RBMS1: variants seen among roughly 807,000 people sequenced by gnomAD.
The protein encoded by RBMS1 is RNA-binding motif, single-stranded-interacting protein 1.
RBMS1 carries 17 observed loss-of-function variants against 62.3 expected under a neutral mutation model. The observed-to-expected ratio is 0.27, with a 90% confidence interval of 0.19 to 0.41. The LOEUF is 0.41. Among genes scored for constraint, RBMS1 ranks in the 10% least tolerant of loss-of-function variants. RBMS1 has a pLI of 1.00. For missense variants in RBMS1, 334 were observed against 504.5 expected (o/e 0.66, Z 3.24); for synonymous variants, 172 against 170.0 (o/e 1.01, Z -0.09).
intron 1 of RBMS1, among the ~76,000 whole-genome samples, chr2:160,448,583 C>T (rs528820495): frequency 1.8e-4 from 28 of 152,246 alleles, no homozygotes; most frequent in African/African-American, 6.5e-4. Flanking sequence ...GACAGAGTCT[C>T]GCTCACTCAG....
intron 2 of RBMS1, among the ~76,000 whole-genome samples, chr2:160,336,169 C>T (rs1691556966): frequency 6.6e-6 from 1 of 152,168 alleles, no homozygotes; most frequent in South Asian, 2.1e-4. Context: ...ACTAGGCATA[C>T]ACATCTGGTA....
intron 1 of RBMS1, among the ~76,000 whole-genome samples, chr2:160,383,451 A>AT (rs35868893): frequency 0.62 from 80,821 of 129,650 alleles, 24,208 homozygotes; most frequent in East Asian, 0.71. Flanking sequence ...TTAGACATGA[A>AT]TTGGGGGGGG....
At position 160,359,622 on chromosome 2, in the gene RBMS1, G is replaced by A. The variant is rs533339156; in HGVS notation, c.251+7594C>T. 1.1e-4 allele frequency among the ~76,000 whole-genome samples: 16 copies of A among 152,218 alleles called. No individual in the cohort carries two copies. In the South Asian group the frequency reaches 3.3e-3, roughly 32 times the overall value. Reference sequence around the variant, plus strand: ...ATTTACATAGAGATTTCAAAACACTGGGTCTGTTGGGCCCATTGCTCCTTT... The same window carrying A: ...ATTTACATAGAGATTTCAAAACACTAGGTCTGTTGGGCCCATTGCTCCTTT... On this transcript the variant is annotated intron_variant, in intron 2 of 13. Transcript: ENST00000348849.
chr2:160,435,787 A>G (rs909252535), intron 1 of RBMS1, among the ~76,000 whole-genome samples: 1 of 152,228 alleles, frequency 6.6e-6, no homozygotes, highest in African/African-American at 2.4e-5. Flanking sequence ...GACTGTATTA[A>G]TCTTCTTTGC....
chr2:160,465,863 C>CAT (rs949548730), intron 1 of RBMS1, among the ~76,000 whole-genome samples: 3 of 108,382 alleles, frequency 2.8e-5, no homozygotes, highest in Admixed American at 1.9e-4. Context: ...CACACACACA[C>CAT]ATACACACAC....
chr2:160,311,228 CTATCTATATATA>C (rs1243996674), intron 4 of RBMS1, among the ~76,000 whole-genome samples: 7 of 95,944 alleles, frequency 7.3e-5, no homozygotes, highest in African/African-American at 1.8e-4. Flanking sequence ...ATCTATCTAT[CTATCTATATATA>C]TATATATATA....
intron 1 of RBMS1, among the ~76,000 whole-genome samples, chr2:160,376,951 A>G (rs1466429743): frequency 6.6e-6 from 1 of 152,162 alleles, no homozygotes; most frequent in Admixed American, 6.5e-5. Flanking sequence ...TACAGGCATG[A>G]GCCACTGGGC....
chr2:160,465,079 C>T (rs1684629293), intron 1 of RBMS1, among the ~76,000 whole-genome samples: 1 of 152,204 alleles, frequency 6.6e-6, no homozygotes, highest in African/African-American at 2.4e-5. Context: ...AGTGAGTTAT[C>T]ATCAAATAAT....
intron 2 of RBMS1, among the ~76,000 whole-genome samples, chr2:160,327,447 T>G (rs1248467658): frequency 1.3e-5 from 2 of 152,194 alleles, no homozygotes; most frequent in Non-Finnish European, 2.9e-5. Flanking sequence ...TGCCATAGAC[T>G]ATGAAAAATG....
chr2:160,282,342 A>C (rs1688143667), intron 9 of RBMS1: 2 of 1,363,674 alleles, frequency 1.5e-6, no homozygotes, highest in South Asian at 2.3e-5. Context: ...TGCCTTGTTA[A>C]CATTTCAGTT....
At chr2:160,462,798 T>C (rs1574090322) in intron 1 of RBMS1, among the ~76,000 whole-genome samples, 1 of 152,294 alleles carries the variant, frequency 6.6e-6, no homozygotes. Flanking sequence ...GGTTTTACCA[T>C]GTTGGCCAGC....
At chr2:160,337,413 T>C (rs1691640799) in intron 2 of RBMS1, among the ~76,000 whole-genome samples, 1 of 152,102 alleles carries the variant, frequency 6.6e-6, no homozygotes, top group Admixed American at 6.5e-5. Context: ...GGATTACAGA[T>C]GTAAGCCATC....
intron 2 of RBMS1, among the ~76,000 whole-genome samples, chr2:160,337,251 A>G (rs1376744511): frequency 2.0e-5 from 3 of 150,284 alleles, no homozygotes; most frequent in African/African-American, 7.4e-5. Context: ...CTCCTGCCTC[A>G]GCCTCCTGAA....
At chr2:160,358,731 T>C (rs1195325918) in intron 2 of RBMS1, among the ~76,000 whole-genome samples, 1 of 152,158 alleles carries the variant, frequency 6.6e-6, no homozygotes, top group Non-Finnish European at 1.5e-5. Flanking sequence ...AACCCAATTT[T>C]CACTTTTTGG....
At chr2:160,390,448 C>T (rs7600453) in intron 1 of RBMS1, among the ~76,000 whole-genome samples, 3,049 of 152,192 alleles carry the variant, frequency 0.02, 103 homozygotes, top group African/African-American at 0.067. Flanking sequence ...CTCAACACTT[C>T]GGAAGGCCAA....
At chr2:160,407,865 C>G in intron 1 of RBMS1, 1 of 981,212 alleles carries the variant, frequency 1.0e-6, no homozygotes, top group Non-Finnish European at 1.2e-6. Context: ...GGAGCAGCGC[C>G]GCCGCGTCCC....
At chr2:160,447,147 A>G (rs1163711531) in intron 1 of RBMS1, among the ~76,000 whole-genome samples, 1 of 152,260 alleles carries the variant, frequency 6.6e-6, no homozygotes, top group Non-Finnish European at 1.5e-5. Context: ...GGGCAGGGAT[A>G]GTATTTCTAG....
In RBMS1 at chr2:160,318,078, C is replaced by T. The variant is rs77359807; in HGVS notation, c.310+91G>A. The T allele has an allele frequency of 3.6e-4, 549 of 1,531,542 alleles. 3 individuals carry two copies. The East Asian group carries it at 0.011, about 30-fold the overall frequency. The allele number at this position is 1,531,542 out of a possible 1,614,324, so 94.9% of individuals were successfully genotyped here. A position where few individuals can be genotyped will look rare whatever the true frequency, so the allele number is the denominator to read the frequency against. ...ATATAAGATCTGGTTTTTAATAAAA[C>T]GAAGGTGGTTTTGAAACCAAAGATC... On this transcript the variant is annotated intron_variant, in intron 3 of 13. Coordinates refer to ENST00000348849, the MANE Select transcript of RBMS1 (RefSeq NM_016836.4).
At chr2:160,296,413 C>T (rs1688936937) in intron 6 of RBMS1, among the ~76,000 whole-genome samples, 1 of 152,158 alleles carries the variant, frequency 6.6e-6, no homozygotes, top group Admixed American at 6.5e-5. Context: ...TGGAACTGCA[C>T]ATACAAATTA....
Sources: allele counts gnomAD v4.1 joint callset (sites outside exome capture counted in the v4.1 genomes callset), GRCh38; gene constraint gnomAD v4.1.1; transcripts MANE v1.5; gene names NCBI Gene and HGNC (gene_info 2026-07-23, HGNC 2026-07-21).